TENM3: variants seen among roughly 807,000 people sequenced by gnomAD.
The protein encoded by TENM3 is teneurin transmembrane protein 3.
In TENM3, 63 loss-of-function variants were observed where a neutral mutation model predicts 255.1. That is an observed-to-expected ratio of 0.25 (90% confidence interval 0.20 to 0.30). The LOEUF (loss-of-function observed/expected upper bound fraction) is 0.30. TENM3 is among the 10% of genes least tolerant of loss of function. TENM3 has a pLI of 1.00. For synonymous variants in TENM3, 1,306 were observed against 1,322.3 expected (o/e 0.99, Z 0.27); for missense variants, 2,929 against 3,461.1 (o/e 0.85, Z 3.86).
intron 3 of TENM3, among the ~76,000 whole-genome samples, chr4:182,554,161 C>T (rs1482932556): frequency 6.6e-6 from 1 of 152,188 alleles, no homozygotes; most frequent in Non-Finnish European, 1.5e-5. Flanking sequence ...CAAAGGCTTT[C>T]TGATGACCAG....
At chr4:182,431,869 G>A (rs1438188701) in intron 3 of TENM3, among the ~76,000 whole-genome samples, 2 of 152,038 alleles carry the variant, frequency 1.3e-5, no homozygotes, top group Admixed American at 1.3e-4. Flanking sequence ...CTGAGGTCAG[G>A]AGTTTGAGAC....
the TENM3 span, among the ~76,000 whole-genome samples, chr4:181,461,284 T>A: frequency 6.6e-6 from 1 of 152,140 alleles, no homozygotes; most frequent in South Asian, 2.1e-4. Context: ...TGTGTTTTTT[T>A]CCTCTGTCTG....
intron 1 of TENM3, among the ~76,000 whole-genome samples, chr4:182,311,984 C>T (rs1762476324): frequency 6.6e-6 from 1 of 152,226 alleles, no homozygotes; most frequent in South Asian, 2.1e-4. Context: ...ACAAGTCTTA[C>T]CGTTTGGCAA....
intron 2 of TENM3, among the ~76,000 whole-genome samples, chr4:182,341,016 A>G (rs1397018153): frequency 1.3e-5 from 2 of 152,224 alleles, no homozygotes; most frequent in African/African-American, 4.8e-5. Context: ...CAATCCATAT[A>G]TGATGAAGAA....
intron 3 of TENM3, among the ~76,000 whole-genome samples, chr4:182,403,249 A>C (rs1769325635): frequency 6.6e-6 from 1 of 152,246 alleles, no homozygotes; most frequent in Non-Finnish European, 1.5e-5. Flanking sequence ...CAAAGGCACG[A>C]TGACTATACT....
chr4:182,431,943 G>A (rs1771681298), intron 3 of TENM3, among the ~76,000 whole-genome samples: 1 of 152,022 alleles, frequency 6.6e-6, no homozygotes, highest in Non-Finnish European at 1.5e-5. Flanking sequence ...GAGGGTGGTG[G>A]CGGGTGCCTG....
the TENM3 span, among the ~76,000 whole-genome samples, chr4:181,868,950 A>T: frequency 6.6e-6 from 1 of 152,098 alleles, no homozygotes; most frequent in African/African-American, 2.4e-5. Flanking sequence ...ATTAAATCCT[A>T]ACACTTCGAA....
chr4:182,497,988 G>A (rs556728122), intron 3 of TENM3, among the ~76,000 whole-genome samples: 13 of 151,912 alleles, frequency 8.6e-5, no homozygotes, highest in African/African-American at 3.1e-4. Context: ...ATCAGTTGTT[G>A]AGTAATGAAA....
intron 3 of TENM3, among the ~76,000 whole-genome samples, chr4:182,428,667 C>T (rs758620068): frequency 2.0e-5 from 3 of 151,978 alleles, no homozygotes; most frequent in Non-Finnish European, 4.4e-5. Flanking sequence ...TTGACTTGTG[C>T]AGCCCCTATA....
the TENM3 span, among the ~76,000 whole-genome samples, chr4:182,105,739 C>T: frequency 6.6e-6 from 1 of 152,160 alleles, no homozygotes; most frequent in Admixed American, 6.5e-5. Flanking sequence ...ATTTGGCACC[C>T]TTATGTAGCG....
At chr4:182,295,484 G>A (rs1051617528) in intron 1 of TENM3, among the ~76,000 whole-genome samples, 9 of 151,988 alleles carry the variant, frequency 5.9e-5, no homozygotes, top group African/African-American at 2.2e-4. Flanking sequence ...GTCTAGGCTG[G>A]TCTCAAACTC....
chr4:181,495,279 T>A, the TENM3 span, among the ~76,000 whole-genome samples: 3 of 152,098 alleles, frequency 2.0e-5, no homozygotes, highest in Admixed American at 2.0e-4. Context: ...GTCATAGGAG[T>A]TAGCGAAGGA....
intron 3 of TENM3, among the ~76,000 whole-genome samples, chr4:182,578,165 CGG>C (rs1473214527): frequency 1.3e-5 from 2 of 151,964 alleles, no homozygotes; most frequent in East Asian, 3.9e-4. Context: ...TTAGTAGAGA[CGG>C]GGTTTCACCA....
intron 1 of TENM3, among the ~76,000 whole-genome samples, chr4:182,261,008 T>A (rs1171153527): frequency 6.6e-6 from 1 of 152,098 alleles, no homozygotes; most frequent in Non-Finnish European, 1.5e-5. Flanking sequence ...CCTGAGTAGC[T>A]GGGACTACAG....
intron 6 of TENM3, among the ~76,000 whole-genome samples, chr4:182,664,164 G>A (rs1043286917): frequency 1.5e-4 from 23 of 152,178 alleles, no homozygotes; most frequent in African/African-American, 3.6e-4. Flanking sequence ...GCAGCCCTGC[G>A]TCAAGCAAGT....
At chr4:182,707,450 A>ATT (rs1456012432) in intron 12 of TENM3, among the ~76,000 whole-genome samples, 2 of 152,124 alleles carry the variant, frequency 1.3e-5, no homozygotes, top group Admixed American at 6.5e-5. Flanking sequence ...AAAAGAGCAA[A>ATT]TTATCTTGTG....
the TENM3 span, among the ~76,000 whole-genome samples, chr4:182,054,106 A>G: frequency 6.6e-6 from 1 of 152,128 alleles, no homozygotes; most frequent in Non-Finnish European, 1.5e-5. Context: ...TTTCAAACTT[A>G]TCTCTTATCA....
At chr4:182,083,477 A>AT in the TENM3 span, among the ~76,000 whole-genome samples, 1 of 152,256 alleles carries the variant, frequency 6.6e-6, no homozygotes, top group East Asian at 1.9e-4. Context: ...TGATCACCTA[A>AT]TTTTTTATTT....
At chr4:182,437,885 G>T (rs1395164613) in intron 3 of TENM3, among the ~76,000 whole-genome samples, 1 of 151,940 alleles carries the variant, frequency 6.6e-6, no homozygotes, top group Non-Finnish European at 1.5e-5. Flanking sequence ...CCAGGAAGCA[G>T]TGGTTGCAGT....
Sources: allele counts gnomAD v4.1 joint callset (sites outside exome capture counted in the v4.1 genomes callset), GRCh38; gene constraint gnomAD v4.1.1; transcripts MANE v1.5; gene names NCBI Gene and HGNC (gene_info 2026-07-23, HGNC 2026-07-21).